Variants in MRPS6 observed in about 807,000 individuals in gnomAD.
MRPS6 encodes small ribosomal subunit protein bS6m.
Under a neutral mutation model 13.1 loss-of-function variants are expected in MRPS6, and 6 were observed. That is an observed-to-expected ratio of 0.46 (90% CI 0.25 to 0.91). The LOEUF is 0.91. Ranked by LOEUF, MRPS6 falls within the 40% of genes least tolerant of loss-of-function variation. The probability of loss-of-function intolerance (pLI) is 0.18; values close to 1 mark genes in which losing one functional copy is unlikely to be tolerated. For synonymous variants in MRPS6, 61 were observed against 56.5 expected, an observed-to-expected ratio of 1.08 and a Z score of -0.36; for missense variants, 164 against 155.6, an observed-to-expected ratio of 1.05 and a Z score of -0.29.
At chr21:34,102,831 C>T (rs956442627) in intron 1 of MRPS6, 1 of 1,000,026 alleles carries the variant, frequency 1.0e-6, no homozygotes, top group Non-Finnish European at 1.2e-6. Context: ...CCCCTCACTT[C>T]TAGGTTGTTT....
intron 1 of MRPS6, among the ~76,000 whole-genome samples, chr21:34,118,831 A>C (rs1206368492): frequency 6.6e-6 from 1 of 152,090 alleles, no homozygotes; most frequent in East Asian, 1.9e-4. Flanking sequence ...ATGTTTCTTA[A>C]AAATGGCCTA....
At chr21:34,077,197 TTAGGTAA>T (rs1989352922) in intron 1 of MRPS6, among the ~76,000 whole-genome samples, 1 of 152,234 alleles carries the variant, frequency 6.6e-6, no homozygotes, top group Non-Finnish European at 1.5e-5. Context: ...GGTATTTCAG[TTAGGTAA>T]AAGACTGAAG....
At chr21:34,135,064 T>C (rs1420604710) in intron 2 of MRPS6, among the ~76,000 whole-genome samples, 2 of 152,262 alleles carry the variant, frequency 1.3e-5, no homozygotes, top group Non-Finnish European at 2.9e-5. Flanking sequence ...TACTCTAGTT[T>C]CTTTCACTCA....
intron 1 of MRPS6, chr21:34,104,210 A>G (rs1979374952): frequency 1.0e-6 from 1 of 1,000,134 alleles, no homozygotes; most frequent in South Asian, 4.7e-5. Flanking sequence ...ATTCTGAAGC[A>G]TATTTGCTAG....
chr21:34,133,570 CT>C (rs1366465685), intron 2 of MRPS6, among the ~76,000 whole-genome samples: 4 of 152,172 alleles, frequency 2.6e-5, no homozygotes, highest in Non-Finnish European at 2.9e-5. Flanking sequence ...AAGTTGAATA[CT>C]TGACTGTAAG....
chr21:34,095,259 A>T (rs1978911679), intron 1 of MRPS6: 1 of 1,614,122 alleles, frequency 6.2e-7, no homozygotes, highest in Non-Finnish European at 8.5e-7. Flanking sequence ...TATCCTGGTC[A>T]TGTGCATTGG....
intron 1 of MRPS6, among the ~76,000 whole-genome samples, chr21:34,107,266 AT>A (rs1208651571): frequency 6.6e-6 from 1 of 152,170 alleles, no homozygotes; most frequent in Admixed American, 6.5e-5. Context: ...CAGGCCAATC[AT>A]TTTGTGACTG....
At chr21:34,092,990 T>C (rs1213854979) in intron 1 of MRPS6, among the ~76,000 whole-genome samples, 1 of 152,154 alleles carries the variant, frequency 6.6e-6, no homozygotes, top group East Asian at 1.9e-4. Flanking sequence ...TCATTGTAAT[T>C]GACACAGCAG....
intron 1 of MRPS6, chr21:34,097,765 C>G (rs1246266373): frequency 1.0e-6 from 1 of 1,002,186 alleles, no homozygotes; most frequent in African/African-American, 1.7e-5. Flanking sequence ...TCTCTGTAAT[C>G]CCTCCTACCA....
intron 1 of MRPS6, among the ~76,000 whole-genome samples, chr21:34,118,979 T>C (rs1980026841): frequency 6.6e-6 from 1 of 152,228 alleles, no homozygotes; most frequent in Admixed American, 6.5e-5. Context: ...CCTGTAGAGG[T>C]AAGTAATCAC....
chr21:34,084,476 T>G (rs1319924796), intron 1 of MRPS6, among the ~76,000 whole-genome samples: 1 of 152,176 alleles, frequency 6.6e-6, no homozygotes, highest in Admixed American at 6.5e-5. Context: ...GGAGGCTAGA[T>G]GAGTTGATAA....
rs577442743 is a variant in MRPS6, at chr21:34,101,362, C to T, written c.46-23979C>T. The T allele has an allele frequency of 8.9e-5, 89 of 1,000,056 alleles. No individual in the cohort carries two copies. The African/African-American group carries it at 1.4e-3, about 15-fold the overall frequency. The allele number at this position is 1,000,056 out of a possible 1,614,324, so 61.9% of individuals were successfully genotyped here. On this transcript the variant is annotated intron_variant, in intron 1 of 2. Transcript: ENST00000399312. The stretch of plus-strand genomic sequence containing the variant: ...GTTTGATGTTAAGCATTATAAAGTA[C>T]GAAGTTTGTTACCACAGTAGAGATA...
At chr21:34,097,156 G>T in intron 1 of MRPS6, 1 of 1,613,962 alleles carries the variant, frequency 6.2e-7, no homozygotes, top group Non-Finnish European at 8.5e-7. Context: ...GATGGAGGTC[G>T]GTACTGGAAG....
At chr21:34,084,653 C>G (rs1226509111) in intron 1 of MRPS6, among the ~76,000 whole-genome samples, 2 of 152,148 alleles carry the variant, frequency 1.3e-5, no homozygotes, top group African/African-American at 4.8e-5. Flanking sequence ...TTCCATTTTA[C>G]AAATGGAAAA....
chr21:34,076,272 C>T (rs1989328277), intron 1 of MRPS6, among the ~76,000 whole-genome samples: 1 of 152,152 alleles, frequency 6.6e-6, no homozygotes, highest in Non-Finnish European at 1.5e-5. Context: ...TCCTCCCTGT[C>T]CTCATTACTT....
chr21:34,135,716 C>A (rs1372566036), intron 2 of MRPS6: 8 of 406,908 alleles, frequency 2.0e-5, no homozygotes, highest in Non-Finnish European at 3.5e-5. Flanking sequence ...TTCACCAGGA[C>A]CTGGAGGTGA....
intron 1 of MRPS6, chr21:34,102,457 TAACC>T (rs894855193): frequency 1.0e-6 from 1 of 1,000,008 alleles, no homozygotes; most frequent in African/African-American, 1.7e-5. Context: ...ATTTATCCAG[TAACC>T]AACAACCCTA....
At chr21:34,142,321 AG>A in intron 2 of MRPS6, 86 bp from the exon 3 acceptor site, 1 of 1,424,248 alleles carries the variant, frequency 7.0e-7, no homozygotes, top group Non-Finnish European at 9.4e-7. Flanking sequence ...ATGTCTGTCT[AG>A]GAAGAGTAAA....
chr21:34,105,321 A>G, intron 1 of MRPS6: 2 of 999,804 alleles, frequency 2.0e-6, no homozygotes, highest in Non-Finnish European at 1.2e-6. Flanking sequence ...TTTCTTTTTG[A>G]TAAGATGGAT....
Sources: allele counts gnomAD v4.1 joint callset (sites outside exome capture counted in the v4.1 genomes callset), GRCh38; gene constraint gnomAD v4.1.1; transcripts MANE v1.5; gene names NCBI Gene and HGNC (gene_info 2026-07-23, HGNC 2026-07-21).